Variants in CELF2 observed in about 807,000 individuals in gnomAD.
The protein encoded by CELF2 is CUGBP Elav-like family member 2, also known as CUG triplet repeat RNA-binding protein 2.
Under a neutral mutation model 62.6 loss-of-function variants are expected in CELF2, and 8 were observed. The observed-to-expected ratio is 0.13, with a 90% CI of 0.07 to 0.23. The LOEUF (loss-of-function observed/expected upper bound fraction) is 0.23, where lower values mean the gene tolerates loss of function less well. CELF2 is among the 10% of genes least tolerant of loss of function. The pLI, the probability that CELF2 is intolerant of heterozygous loss-of-function variation, is 1.00. For synonymous variants in CELF2, 258 were observed against 250.0 expected (o/e 1.03, Z -0.30); for missense variants, 333 against 671.0 (o/e 0.50, Z 5.56).
chr10:10,533,380 T>C, the CELF2 span, among the ~76,000 whole-genome samples: 36,204 of 152,182 alleles, frequency 0.24, 5,190 homozygotes, highest in Non-Finnish European at 0.33. Flanking sequence ...TTTCTTAAAA[T>C]TGTGATACAA....
the CELF2 span, among the ~76,000 whole-genome samples, chr10:10,760,128 T>C: frequency 6.6e-6 from 1 of 152,182 alleles, no homozygotes; most frequent in Admixed American, 6.5e-5. Context: ...GGTCTCAAAC[T>C]CCTGACCTCA....
chr10:11,229,821 C>T (rs1174430723), intron 3 of CELF2, among the ~76,000 whole-genome samples: 5 of 152,160 alleles, frequency 3.3e-5, no homozygotes, highest in African/African-American at 1.2e-4. Context: ...AACTCCTAAC[C>T]TCAAGTGATC....
intron 8 of CELF2, among the ~76,000 whole-genome samples, chr10:11,283,647 ATGGACGATGGG>A (rs1201708813): frequency 6.8e-6 from 1 of 146,452 alleles, no homozygotes; most frequent in Admixed American, 6.7e-5. Flanking sequence ...TGCATGGTTG[ATGGACGATGGG>A]TGGATAATGG....
chr10:10,625,038 A>C, the CELF2 span, among the ~76,000 whole-genome samples: 1 of 152,204 alleles, frequency 6.6e-6, no homozygotes, highest in Non-Finnish European at 1.5e-5. Context: ...AACAAAATTA[A>C]ATGCAAAATA....
chr10:11,073,865 T>C (rs2070978174), intron 1 of CELF2, among the ~76,000 whole-genome samples: 1 of 152,234 alleles, frequency 6.6e-6, no homozygotes, highest in South Asian at 2.1e-4. Context: ...AATTTCTTTA[T>C]GTTCATGATT....
the CELF2 span, among the ~76,000 whole-genome samples, chr10:10,632,441 G>GCACACACA: frequency 2.0e-5 from 3 of 149,262 alleles, no homozygotes; most frequent in African/African-American, 7.4e-5. Flanking sequence ...ACAGACACAC[G>GCACACACA]CACACACACA....
intron 2 of CELF2, among the ~76,000 whole-genome samples, chr10:10,933,789 G>T (rs1260860576): frequency 6.6e-6 from 1 of 152,014 alleles, no homozygotes; most frequent in East Asian, 1.9e-4. Context: ...TTTTCTTATG[G>T]CCAAAGAATA....
chr10:11,182,445 A>C (rs748171772), intron 2 of CELF2, among the ~76,000 whole-genome samples: 1 of 152,190 alleles, frequency 6.6e-6, no homozygotes, highest in Non-Finnish European at 1.5e-5. Flanking sequence ...ACTCTAAGAC[A>C]ATGATATACT....
At chr10:11,044,756 A>T (rs1054521521) in intron 1 of CELF2, among the ~76,000 whole-genome samples, 1 of 152,204 alleles carries the variant, frequency 6.6e-6, no homozygotes, top group African/African-American at 2.4e-5. Flanking sequence ...TCTAATAAGG[A>T]TCTCACTTAT....
chr10:10,900,066 T>C (rs1160249769), intron 1 of CELF2, among the ~76,000 whole-genome samples: 1 of 151,990 alleles, frequency 6.6e-6, no homozygotes, highest in African/African-American at 2.4e-5. Context: ...TGACTTTCCA[T>C]TTCTAATAAG....
At chr10:11,071,904 T>C (rs1392199046) in intron 1 of CELF2, among the ~76,000 whole-genome samples, 1 of 152,200 alleles carries the variant, frequency 6.6e-6, no homozygotes, top group Non-Finnish European at 1.5e-5. Context: ...GTGACATGTT[T>C]GGACATGTAT....
intron 1 of CELF2, among the ~76,000 whole-genome samples, chr10:11,050,695 C>T (rs976650096): frequency 4.6e-5 from 7 of 152,218 alleles, no homozygotes; most frequent in African/African-American, 1.2e-4. Context: ...TCCAGATGAT[C>T]GTGCAGCCTC....
chr10:10,839,974 C>T (rs544532929), intron 1 of CELF2, among the ~76,000 whole-genome samples: 40 of 152,296 alleles, frequency 2.6e-4, no homozygotes, highest in African/African-American at 9.6e-4. Flanking sequence ...TAGTATGTAG[C>T]CTTTTTAGAG....
chr10:10,803,587 G>A (rs2054891421), intron 1 of CELF2, among the ~76,000 whole-genome samples: 2 of 152,208 alleles, frequency 1.3e-5, no homozygotes, highest in East Asian at 3.9e-4. Flanking sequence ...TCAACCTCTA[G>A]CACATCTCCC....
chr10:10,647,974 G>A, the CELF2 span, among the ~76,000 whole-genome samples: 1 of 152,148 alleles, frequency 6.6e-6, no homozygotes, highest in Non-Finnish European at 1.5e-5. Context: ...ACTTCCTTCA[G>A]ACCCTGAATT....
At chr10:10,819,380 C>T (rs1186846608) in intron 1 of CELF2, among the ~76,000 whole-genome samples, 1 of 152,164 alleles carries the variant, frequency 6.6e-6, no homozygotes, top group Non-Finnish European at 1.5e-5. Context: ...TGAAATCAGC[C>T]TAGCTTTAGA....
intron 1 of CELF2, among the ~76,000 whole-genome samples, chr10:11,106,226 T>TATTTATTTATTTATTG (rs2053455275): frequency 2.0e-5 from 3 of 149,710 alleles, no homozygotes; most frequent in Non-Finnish European, 4.4e-5. Flanking sequence ...TTTATTTATT[T>TATTTATTTATTTATTG]ATTTATTTAT....
the CELF2 span, among the ~76,000 whole-genome samples, chr10:10,642,446 G>A: frequency 5.3e-5 from 8 of 152,224 alleles, no homozygotes; most frequent in African/African-American, 1.9e-4. Flanking sequence ...AGCCTGACGA[G>A]GAGGTTGTCT....
chr10:11,048,447 A>G (rs988848860), intron 1 of CELF2, among the ~76,000 whole-genome samples: 1 of 152,196 alleles, frequency 6.6e-6, no homozygotes, highest in Non-Finnish European at 1.5e-5. Flanking sequence ...TACCTAGGGT[A>G]TTGTAGTTTA....
Sources: gnomAD v4.1 joint callset for allele counts (sites outside exome capture counted in the v4.1 genomes callset) on GRCh38, gnomAD v4.1.1 for gene constraint, MANE v1.5 for transcripts, NCBI Gene and HGNC (gene_info 2026-07-23, HGNC 2026-07-21) for gene names.